Variants in PPP3CC observed in about 807,000 individuals in gnomAD.
PPP3CC encodes serine/threonine-protein phosphatase 2B catalytic subunit gamma isoform.
PPP3CC carries 35 observed loss-of-function variants against 60.3 expected under a neutral mutation model. The ratio of observed to expected loss-of-function variants is 0.58; its 90% CI spans 0.44 to 0.77. The LOEUF (loss-of-function observed/expected upper bound fraction) is 0.77, where lower values mean the gene tolerates loss of function less well. PPP3CC is among the 30% of genes least tolerant of loss of function. The pLI, the probability that PPP3CC is intolerant of heterozygous loss-of-function variation, is 0.00. For synonymous variants in PPP3CC, 206 were observed against 224.3 expected, an observed-to-expected ratio of 0.92 and a Z score of 0.73; for missense variants, 570 against 628.9, an observed-to-expected ratio of 0.91 and a Z score of 1.00.
chr8:22,497,167 T>G (rs1838614965), intron 3 of PPP3CC, among the ~76,000 whole-genome samples: 1 of 152,046 alleles, frequency 6.6e-6, no homozygotes, highest in Non-Finnish European at 1.5e-5. Context: ...GTAGCTGGGG[T>G]TACAGGCATG....
chr8:22,492,804 A>C, intron 3 of PPP3CC: 2 of 1,003,420 alleles, frequency 2.0e-6, no homozygotes, highest in Non-Finnish European at 3.2e-6. Context: ...GAAGAGGTGA[A>C]TATGTTTACA....
intron 8 of PPP3CC, among the ~76,000 whole-genome samples, chr8:22,525,598 C>G (rs1455803898): frequency 6.7e-6 from 1 of 149,956 alleles, no homozygotes; most frequent in Non-Finnish European, 1.5e-5. Context: ...GTCTCTGTCA[C>G]TTAGGTTGGA....
At chr8:22,500,599 A>T (rs910299949) in intron 4 of PPP3CC, among the ~76,000 whole-genome samples, 7 of 152,192 alleles carry the variant, frequency 4.6e-5, no homozygotes, top group Non-Finnish European at 8.8e-5. Context: ...TGCTCATATG[A>T]ATTCTTGCTA....
intron 4 of PPP3CC, among the ~76,000 whole-genome samples, chr8:22,499,113 C>T (rs1470921035): frequency 6.1e-5 from 9 of 148,166 alleles, no homozygotes; most frequent in Non-Finnish European, 8.9e-5. Flanking sequence ...AGCGAGACTC[C>T]GACTCAAAAA....
intron 1 of PPP3CC, 136 bp downstream of exon 1, chr8:22,441,594 G>A (rs1431064953): frequency 4.1e-6 from 4 of 985,006 alleles, no homozygotes; most frequent in South Asian, 6.0e-5. Flanking sequence ...ACAGAGCCGG[G>A]CGGCAGCCTC....
intron 8 of PPP3CC, among the ~76,000 whole-genome samples, chr8:22,526,016 C>T (rs1355492460): frequency 2.0e-5 from 3 of 151,470 alleles, no homozygotes; most frequent in Non-Finnish European, 4.4e-5. Flanking sequence ...TACAGGTGCA[C>T]GTCGCCACGC....
chr8:22,449,447 C>CAAAAAA (rs35113938), intron 1 of PPP3CC, among the ~76,000 whole-genome samples: 14 of 59,622 alleles, frequency 2.3e-4, no homozygotes, highest in South Asian at 6.8e-4. Flanking sequence ...GACCCCATCT[C>CAAAAAA]AAAAAAAAAA....
chr8:22,448,201 C>T (rs568627907), intron 1 of PPP3CC, among the ~76,000 whole-genome samples: 1 of 151,736 alleles, frequency 6.6e-6, no homozygotes, highest in African/African-American at 2.4e-5. Flanking sequence ...GTGGTGAAAA[C>T]GAAACGAAAC....
intron 12 of PPP3CC, among the ~76,000 whole-genome samples, chr8:22,533,579 CTT>C (rs1033115002): frequency 2.6e-5 from 4 of 152,216 alleles, no homozygotes; most frequent in Non-Finnish European, 4.4e-5. Flanking sequence ...AATCCCAGCA[CTT>C]TGGGAGGCCG....
chr8:22,463,055 G>A (rs1364056726), intron 1 of PPP3CC, among the ~76,000 whole-genome samples: 1 of 151,944 alleles, frequency 6.6e-6, no homozygotes, highest in Non-Finnish European at 1.5e-5. Context: ...TTTATATTTT[G>A]CCAAGGATAA....
intron 3 of PPP3CC, among the ~76,000 whole-genome samples, chr8:22,487,408 G>A (rs1838256520): frequency 6.6e-6 from 1 of 152,118 alleles, no homozygotes. Flanking sequence ...TGGGTCACCT[G>A]AGGTCAGGAG....
rs370489033 is a variant in PPP3CC at position 22,530,366 on chromosome 8, G to T, written c.1141+1789G>T. ...GCTACTTGGGGGCCTGAGGTGGGAG[G>T]ATTACTTGAACCTGGGAGGCAGAGG... On this transcript the variant is annotated intron_variant, in intron 10 of 13. Transcript: ENST00000240139. Among the ~76,000 whole-genome samples, 177 of 151,952 alleles carry T rather than the reference G, an allele frequency of 1.2e-3. 6 individuals are homozygous for T. In the South Asian group the frequency reaches 0.036, roughly 31 times the overall value.
intron 1 of PPP3CC, among the ~76,000 whole-genome samples, chr8:22,444,798 C>T (rs1051514310): frequency 8.5e-5 from 13 of 152,206 alleles, no homozygotes; most frequent in African/African-American, 2.4e-4. Context: ...TAACTGGTAT[C>T]TAAGCCAGAG....
At position 22,475,641 on chromosome 8, in the gene PPP3CC, A is replaced by C; in HGVS notation, c.372+17A>C. 6.2e-7 allele frequency: 1 copy of C among 1,604,450 alleles called. No individual in the cohort carries two copies. The highest frequency in any genetic ancestry group is 8.5e-7 in the Non-Finnish European group (1 of 1,174,162). ...AGTATAGAGGTAAAAATTAAACTGG[A>C]TATGTTGGGACTATTATATTGTCTT... On this transcript the variant is annotated intron_variant, in intron 3 of 13. Coordinates refer to ENST00000240139, the MANE Select transcript of PPP3CC (RefSeq NM_005605.5).
chr8:22,450,867 GCT>G (rs1317420583), intron 1 of PPP3CC, among the ~76,000 whole-genome samples: 23 of 147,796 alleles, frequency 1.6e-4, no homozygotes, highest in East Asian at 7.9e-4. Flanking sequence ...ACGGAGTCTC[GCT>G]CTGTCACCCA....
rs796235369 is a variant in PPP3CC at position 22,492,863 on chromosome 8, T to C, written c.373-5138T>C. 45 of 1,062,000 alleles carry C rather than the reference T, an allele frequency of 4.2e-5. No homozygotes were observed. In the African/African-American group the frequency reaches 6.7e-4, roughly 16 times the overall value. 65.8% of individuals were successfully genotyped at this position (1,062,000 alleles called of 1,614,324 possible). A position where few individuals can be genotyped will look rare whatever the true frequency, so the allele number is the denominator to read the frequency against. On this transcript the variant is annotated intron_variant, in intron 3 of 13. Transcript: ENST00000240139. Reference sequence around the variant, plus strand: ...TAACAGCAGAGATGCCAGCAAACTCTTTCACCATTACAGGCCATGCTGAGA... The same window carrying C: ...TAACAGCAGAGATGCCAGCAAACTCCTTCACCATTACAGGCCATGCTGAGA...
intron 3 of PPP3CC, among the ~76,000 whole-genome samples, chr8:22,486,526 C>T (rs1339034022): frequency 6.6e-6 from 1 of 152,172 alleles, no homozygotes; most frequent in Non-Finnish European, 1.5e-5. Flanking sequence ...TTTGGACCCC[C>T]ATTCTACCAT....
intron 6 of PPP3CC, among the ~76,000 whole-genome samples, chr8:22,518,865 T>G (rs1210852717): frequency 6.6e-6 from 1 of 152,156 alleles, no homozygotes; most frequent in African/African-American, 2.4e-5. Context: ...TTTTGTATTT[T>G]TAGTAGAGAC....
At chr8:22,493,137 A>G in intron 3 of PPP3CC, 2 of 1,536,452 alleles carry the variant, frequency 1.3e-6, no homozygotes, top group Non-Finnish European at 1.8e-6. Flanking sequence ...TTCTGAAGAT[A>G]AAACTTGAAG....
Sources: allele counts gnomAD v4.1 joint callset (sites outside exome capture counted in the v4.1 genomes callset), GRCh38; gene constraint gnomAD v4.1.1; transcripts MANE v1.5; gene names NCBI Gene and HGNC (gene_info 2026-07-23, HGNC 2026-07-21).